TUT7: variants seen among roughly 807,000 people sequenced by gnomAD.
TUT7 encodes terminal uridylyltransferase 7.
Under a neutral mutation model 165.9 loss-of-function variants are expected in TUT7, and 33 were observed. The ratio of observed to expected loss-of-function variants is 0.20; its 90% CI spans 0.15 to 0.27. The LOEUF (loss-of-function observed/expected upper bound fraction) is 0.27. TUT7 is among the 10% of genes least tolerant of loss of function. The probability of loss-of-function intolerance (pLI) is 1.00; values close to 1 mark genes in which losing one functional copy is unlikely to be tolerated. For missense variants in TUT7, 1,338 were observed against 1,762.3 expected, an observed-to-expected ratio of 0.76 and a Z score of 4.31; for synonymous variants, 552 against 608.1, an observed-to-expected ratio of 0.91 and a Z score of 1.36.
intron 26 of TUT7, among the ~76,000 whole-genome samples, chr9:86,294,392 T>C (rs1826131177): frequency 6.6e-6 from 1 of 152,052 alleles, no homozygotes; most frequent in Non-Finnish European, 1.5e-5. Flanking sequence ...TAAAATTACA[T>C]TGATAGTGGA....
chr9:86,314,599 A>G (rs1264015775), intron 17 of TUT7, among the ~76,000 whole-genome samples: 1 of 152,078 alleles, frequency 6.6e-6, no homozygotes, highest in Non-Finnish European at 1.5e-5. Flanking sequence ...AATCTAGGAA[A>G]TTTTCCCACT....
At position 86,353,230 on chromosome 9, in the gene TUT7, C is replaced by G; in HGVS notation, c.-31G>C. On this transcript the variant is annotated splice_region_variant and 5_prime_UTR_variant, in exon 2 of 27. Coordinates refer to ENST00000375963, the MANE Select transcript of TUT7 (RefSeq NM_024617.4). ...TTGACTTCAATTTTCTTACTTTGCA[C>G]CTGAAAGAAGGTATTTTGGGGAAAT... is the stretch of plus-strand genomic sequence containing the variant. The G allele has an allele frequency of 6.5e-7, 1 of 1,529,062 alleles. No individual in the cohort carries two copies. The highest frequency in any genetic ancestry group is 8.7e-7 in the Non-Finnish European group (1 of 1,145,240). The allele number at this position is 1,529,062 out of a possible 1,614,324, so 94.7% of individuals were successfully genotyped here.
intron 1 of TUT7, among the ~76,000 whole-genome samples, chr9:86,353,979 T>C (rs1418603544): frequency 2.0e-5 from 3 of 152,186 alleles, no homozygotes; most frequent in Non-Finnish European, 4.4e-5. Flanking sequence ...TTCCACCCTT[T>C]TGAGCCCGAC....
chr9:86,329,393 C>T (rs1830096996), intron 10 of TUT7, among the ~76,000 whole-genome samples: 1 of 151,934 alleles, frequency 6.6e-6, no homozygotes, highest in Admixed American at 6.6e-5. Flanking sequence ...CATGGTGGCG[C>T]ATGCCTGTAA....
rs531711449 is a variant in TUT7 at position 86,298,766 on chromosome 9, C to T, written c.4420+2510G>A. On this transcript the variant is annotated intron_variant, in intron 26 of 26. Coordinates refer to ENST00000375963, the MANE Select transcript of TUT7 (RefSeq NM_024617.4). ...ATTTGTTTTTTTTAAAACCCACATA[C>T]CTGACTGGGGACTCAAAAATATTGT... 3.0e-6 allele frequency: 3 copies of T among 984,468 alleles called. No homozygotes were observed. The Admixed American group carries it at 1.8e-4, about 60-fold the overall frequency. 61.0% of individuals were successfully genotyped at this position (984,468 alleles called of 1,614,324 possible).
intron 7 of TUT7, among the ~76,000 whole-genome samples, chr9:86,340,646 T>C (rs1001966121): frequency 2.0e-5 from 3 of 152,368 alleles, no homozygotes; most frequent in Admixed American, 2.0e-4. Context: ...GGGTTACACC[T>C]ATTCACTGTT....
At chr9:86,319,086 CTAAT>C in intron 15 of TUT7, 28 bp from the exon 16 acceptor site, 1 of 1,504,264 alleles carries the variant, frequency 6.6e-7, no homozygotes, top group Non-Finnish European at 9.2e-7. Context: ...AAAGTAATAA[CTAAT>C]TACCTGAGTA....
intron 10 of TUT7, 108 bp downstream of exon 10, chr9:86,337,311 T>A (rs981938678): frequency 6.7e-6 from 8 of 1,192,006 alleles, no homozygotes; most frequent in African/African-American, 3.1e-5. Context: ...AATAAATAAA[T>A]CCATGTCAGT....
chr9:86,291,838 G>A (rs1226603416), intron 26 of TUT7, among the ~76,000 whole-genome samples: 2 of 152,148 alleles, frequency 1.3e-5, no homozygotes, highest in Non-Finnish European at 1.5e-5. Context: ...GATTTGACTT[G>A]TAGACACACA....
At position 86,333,214 on chromosome 9, in the gene TUT7, A is replaced by G. The variant is rs956293506; in HGVS notation, c.1455+4205T>C. ...CAGTAGATTGTGGCTCAGCTCTTGC[A>G]TCAGTTCTTTAAGCCTTGGCCCCCA... On this transcript the variant is annotated intron_variant, in intron 10 of 26. Coordinates refer to ENST00000375963, the MANE Select transcript of TUT7 (RefSeq NM_024617.4). Among the ~76,000 whole-genome samples the G allele has an allele frequency of 2.6e-5, 4 of 152,320 alleles. No individual in the cohort carries two copies. The East Asian group carries it at 7.7e-4, about 29-fold the overall frequency.
At chr9:86,346,928 C>T (rs1025350425) in intron 2 of TUT7, among the ~76,000 whole-genome samples, 2 of 152,144 alleles carry the variant, frequency 1.3e-5, no homozygotes, top group Non-Finnish European at 2.9e-5. Flanking sequence ...TTGCTTTCAT[C>T]TTCTATAAGT....
At position 86,328,285 on chromosome 9, in the gene TUT7, C is replaced by T. The variant is rs1829981652; in HGVS notation, c.1608+55G>A. 1.6e-5 allele frequency: 24 copies of T among 1,485,668 alleles called. No homozygotes were observed. In the South Asian group the frequency reaches 3.3e-4, roughly 21 times the overall value. The allele number at this position is 1,485,668 out of a possible 1,614,324, so 92.0% of individuals were successfully genotyped here. ...GGAAAGAAGACAAGACTGACTAATC[C>T]ACAACTTCACAATTGGCAAGTGAAA... On this transcript the variant is annotated intron_variant, in intron 11 of 26. Coordinates refer to ENST00000375963, the MANE Select transcript of TUT7 (RefSeq NM_024617.4).
chr9:86,288,922 A>C (rs1825715857), intron 26 of TUT7, among the ~76,000 whole-genome samples, 178 bp from the exon 27 acceptor site: 2 of 152,234 alleles, frequency 1.3e-5, no homozygotes, highest in South Asian at 4.1e-4. Flanking sequence ...ATGATTAATT[A>C]AATATAAGCT....
At chr9:86,309,177 G>A (rs977892721) in intron 21 of TUT7, 35 bp downstream of exon 21, 27 of 1,366,048 alleles carry the variant, frequency 2.0e-5, no homozygotes, top group Non-Finnish European at 2.8e-5. Context: ...TTTTAGTCAA[G>A]GATATAGGAA....
At chr9:86,303,240 C>T (rs752236765) in intron 24 of TUT7, 39 bp from the exon 25 acceptor site, 35 of 1,139,186 alleles carry the variant, frequency 3.1e-5, no homozygotes, top group African/African-American at 1.2e-4. Flanking sequence ...GAACTATTCA[C>T]GTGAGATCGG....
chr9:86,351,862 T>C (rs886477727), intron 2 of TUT7, among the ~76,000 whole-genome samples: 1 of 152,238 alleles, frequency 6.6e-6, no homozygotes, highest in African/African-American at 2.4e-5. Context: ...TGTTTCATTT[T>C]TTCCATCCAA....
Position 86,323,701 on chromosome 9 carries a change from G to A in TUT7, c.2049C>T (p.Thr683=). Residue 683 remains threonine (T), a synonymous_variant, in exon 13 of 27, where the codon ACC becomes ACT. Transcript: ENST00000375963. The part of the protein sequence containing the change: ...NSVLAQGPGA[T]SSAANTCKVQ... ...CCTTACAGGTATTTGCAGCTGAACT[G>A]GTAGCACCAGGACCTTGGGCCAAAA... 1.9e-6 allele frequency: 3 copies of A among 1,614,018 alleles called. No homozygotes were observed. Among genetic ancestry groups the A allele is most frequent in the Non-Finnish European group, 2.5e-6 (3 of 1,179,890 alleles).
intron 20 of TUT7, 74 bp from the exon 21 acceptor site, chr9:86,309,363 GGT>G: frequency 7.1e-7 from 1 of 1,416,666 alleles, no homozygotes; most frequent in Admixed American, 2.1e-5. Context: ...TAGGAAAATA[GGT>G]AAAAAATTAA....
intron 7 of TUT7, 138 bp from the exon 8 acceptor site, chr9:86,340,243 T>C (rs1363324090): frequency 3.0e-6 from 2 of 657,334 alleles, no homozygotes; most frequent in African/African-American, 3.6e-5. Context: ...TGCTCTGCAA[T>C]GACTTGAAAA....
Sources: allele counts gnomAD v4.1 joint callset (sites outside exome capture counted in the v4.1 genomes callset), GRCh38; gene constraint gnomAD v4.1.1; transcripts MANE v1.5; gene names NCBI Gene and HGNC (gene_info 2026-07-23, HGNC 2026-07-21).